SLC16A12: variants seen among roughly 807,000 people sequenced by gnomAD.
SLC16A12 encodes solute carrier family 16 member 12, also known as monocarboxylate transporter 12.
A neutral mutation model predicts 42.4 loss-of-function variants in SLC16A12; 17 were observed. That is an observed-to-expected ratio of 0.40 (90% CI 0.27 to 0.60). The LOEUF (loss-of-function observed/expected upper bound fraction) is 0.60. Among genes scored for constraint, SLC16A12 ranks in the 20% least tolerant of loss-of-function variants. The pLI is 0.42. For synonymous variants in SLC16A12, 224 were observed against 229.4 expected (o/e 0.98, Z 0.21); for missense variants, 544 against 623.0 (o/e 0.87, Z 1.35).
intron 2 of SLC16A12, among the ~76,000 whole-genome samples, chr10:89,554,919 AG>A (rs1843799592): frequency 6.6e-6 from 1 of 152,174 alleles, no homozygotes; most frequent in South Asian, 2.1e-4. Flanking sequence ...TAATATTCCA[AG>A]GGTGTTGAGG....
At chr10:89,506,887 CT>C (rs1454586721) in intron 2 of SLC16A12, among the ~76,000 whole-genome samples, 2 of 151,838 alleles carry the variant, frequency 1.3e-5, no homozygotes, top group African/African-American at 4.8e-5. Flanking sequence ...CATAAATGAC[CT>C]GATGGAGCTG....
In SLC16A12 at chr10:89,477,044, C is replaced by T. The variant is rs556075606; in HGVS notation, c.-46-14420G>A. Reference sequence around the variant, plus strand: ...TGTGGTGTACTATTTTTTTGTAAGACGGGGGCTTGAATTTCTGCTGTGAAA... The same window carrying T: ...TGTGGTGTACTATTTTTTTGTAAGATGGGGGCTTGAATTTCTGCTGTGAAA... On this transcript the variant is annotated intron_variant, in intron 2 of 7. Transcript: ENST00000371790. Among the ~76,000 whole-genome samples the T allele has an allele frequency of 8.5e-5, 13 of 152,236 alleles. No homozygotes were observed. The South Asian group carries it at 2.3e-3, about 27-fold the overall frequency.
rs780179198 is a variant in SLC16A12, at chr10:89,439,023, C to A, written c.609G>T (p.Trp203Cys). 3 of 1,614,042 alleles carry A rather than the reference C, an allele frequency of 1.9e-6. No individual in the cohort carries two copies. The highest frequency in any genetic ancestry group is 1.7e-6 in the Non-Finnish European group (2 of 1,179,970). Residue 203 changes from tryptophan (W) to cysteine (C), a missense_variant, in exon 6 of 8, where the codon TGG becomes TGT. Physicochemically the swap from Trp to Cys is radical, Grantham distance 215. Coordinates refer to ENST00000371790, the MANE Select transcript of SLC16A12 (RefSeq NM_213606.4). ...CCCCAAGAATGAGTAAGGCTCCCCG[C>A]CAGGAAAACTGTTCAATAAGGAGCT... ...VVQLLIEQFSWRGALLILGGF... is the reference protein window; with the variant it reads ...VVQLLIEQFSCRGALLILGGF...
At chr10:89,474,530 C>T (rs1374691913) in intron 2 of SLC16A12, among the ~76,000 whole-genome samples, 2 of 152,214 alleles carry the variant, frequency 1.3e-5, no homozygotes, top group Admixed American at 1.3e-4. Flanking sequence ...ACTTTATCTT[C>T]ATCAGAGAGG....
chr10:89,483,037 G>A (rs569192008), intron 2 of SLC16A12, among the ~76,000 whole-genome samples: 2 of 152,310 alleles, frequency 1.3e-5, no homozygotes, highest in South Asian at 2.1e-4. Flanking sequence ...GAAGCTAGAA[G>A]TCCACGATTA....
chr10:89,539,385 A>G (rs1843698218), upstream of SLC16A12, among the ~76,000 whole-genome samples: 1 of 152,150 alleles, frequency 6.6e-6, no homozygotes, highest in African/African-American at 2.4e-5. Context: ...GCCTGGAGGC[A>G]CAGAATATTT....
At chr10:89,458,028 G>A (rs1842225904) in intron 3 of SLC16A12, among the ~76,000 whole-genome samples, 1 of 152,094 alleles carries the variant, frequency 6.6e-6, no homozygotes, top group South Asian at 2.1e-4. Flanking sequence ...TTCTGCCTGG[G>A]CGGTTTGTTT....
intron 2 of SLC16A12, among the ~76,000 whole-genome samples, chr10:89,519,784 A>AT (rs953561344): frequency 6.6e-6 from 1 of 152,132 alleles, no homozygotes; most frequent in Non-Finnish European, 1.5e-5. Context: ...AATGACTCAG[A>AT]TTTTTTGGAA....
In SLC16A12 at chr10:89,553,317, G is replaced by A. The variant is rs531299467; in HGVS notation, c.-47+2565C>T. 2.5e-3 allele frequency among the ~76,000 whole-genome samples: 381 copies of A among 152,268 alleles called. 3 individuals are homozygous for A. The highest frequency in any genetic ancestry group is 3.2e-3 in the Non-Finnish European group (219 of 68,018). ...CATCTTGTAATCCATTACAGTCAGA[G>A]TGGTACATTTTTTGTCTTCTCATTA... On this transcript the variant is annotated intron_variant, in intron 2 of 2. Coordinates refer to the SLC16A12 transcript ENST00000475682.
At chr10:89,514,480 T>G (rs1447931734) in intron 2 of SLC16A12, among the ~76,000 whole-genome samples, 1 of 152,190 alleles carries the variant, frequency 6.6e-6, no homozygotes, top group East Asian at 1.9e-4. Flanking sequence ...TGGGTTCTGG[T>G]GAAGGCACTC....
At chr10:89,466,487 A>G (rs1842402602) in intron 2 of SLC16A12, among the ~76,000 whole-genome samples, 1 of 152,320 alleles carries the variant, frequency 6.6e-6, no homozygotes, top group East Asian at 1.9e-4. Context: ...ACAGAATCAT[A>G]CTTATAGTCA....
intron 2 of SLC16A12, among the ~76,000 whole-genome samples, chr10:89,555,559 A>ATG (rs1422864312): frequency 9.6e-5 from 14 of 145,774 alleles, no homozygotes; most frequent in African/African-American, 3.0e-4. Flanking sequence ...ACGTATATAT[A>ATG]CATATACGTA....
Position 89,486,610 on chromosome 10 carries a change from AGAAAG to A in SLC16A12, c.-46-23991_-46-23987del, listed in dbSNP as rs1842750099. On this transcript the variant is annotated intron_variant, in intron 2 of 7. Transcript: ENST00000371790. ...TTGTCTCAAAAAAAAAAAAAAAGAA[AGAAAG>A]AAAGAAAGAAAGAAAGAAAGAAAGA... Among the ~76,000 whole-genome samples the A allele has an allele frequency of 5.0e-4, 34 of 68,528 alleles. 1 individual carries two copies. The highest frequency in any genetic ancestry group is 4.1e-3 in the Admixed American group (33 of 8,008). 45.0% of individuals were successfully genotyped at this position (68,528 alleles called of 152,430 possible).
chr10:89,545,359 C>T (rs1423727246), intron 2 of SLC16A12, among the ~76,000 whole-genome samples: 1 of 152,180 alleles, frequency 6.6e-6, no homozygotes, highest in African/African-American at 2.4e-5. Context: ...TGATAAGCAA[C>T]TTCAGCAAAG....
intron 2 of SLC16A12, among the ~76,000 whole-genome samples, chr10:89,531,449 T>C (rs1843552088): frequency 6.6e-6 from 1 of 152,086 alleles, no homozygotes; most frequent in Admixed American, 6.6e-5. Flanking sequence ...TAAACTGGAC[T>C]GTAACCAAAC....
chr10:89,446,385 C>G (rs550502804), intron 3 of SLC16A12, among the ~76,000 whole-genome samples: 1 of 152,168 alleles, frequency 6.6e-6, no homozygotes, highest in Non-Finnish European at 1.5e-5. Context: ...CAAAGGGAAG[C>G]CCATCAGACT....
At chr10:89,532,646 G>A (rs1382564538) in intron 2 of SLC16A12, among the ~76,000 whole-genome samples, 1 of 152,124 alleles carries the variant, frequency 6.6e-6, no homozygotes, top group Non-Finnish European at 1.5e-5. Context: ...CCCCAAAAGC[G>A]GCACTGAATA....
At chr10:89,520,878 A>C (rs545846678) in intron 2 of SLC16A12, among the ~76,000 whole-genome samples, 21 of 152,162 alleles carry the variant, frequency 1.4e-4, no homozygotes, top group Non-Finnish European at 2.8e-4. Flanking sequence ...ATTGCTTGTT[A>C]TGTATTTAGT....
intron 2 of SLC16A12, among the ~76,000 whole-genome samples, chr10:89,520,653 C>CT (rs1843335708): frequency 1.4e-5 from 2 of 144,376 alleles, no homozygotes; most frequent in Non-Finnish European, 3.0e-5. Context: ...TAGCAAATGA[C>CT]AATCCCTGGC....
Sources: gnomAD v4.1 joint callset for allele counts (sites outside exome capture counted in the v4.1 genomes callset) on GRCh38, gnomAD v4.1.1 for gene constraint, MANE v1.5 for transcripts, NCBI Gene and HGNC (gene_info 2026-07-23, HGNC 2026-07-21) for gene names.